ST7L: variants seen among roughly 807,000 people sequenced by gnomAD.
ST7L encodes the protein suppressor of tumorigenicity 7 protein-like.
Under a neutral mutation model 72.5 loss-of-function variants are expected in ST7L, and 57 were observed. The ratio of observed to expected loss-of-function variants is 0.79; its 90% confidence interval spans 0.64 to 0.98. The LOEUF (loss-of-function observed/expected upper bound fraction) is 0.98. ST7L is among the 50% of genes least tolerant of loss of function. The pLI is 0.00. For synonymous variants in ST7L, 221 were observed against 240.9 expected (o/e 0.92, Z 0.77); for missense variants, 576 against 672.2 (o/e 0.86, Z 1.58).
At chr1:112,540,782 G>T (rs2101372853) in intron 14 of ST7L, 1 of 1,281,844 alleles carries the variant, frequency 7.8e-7, no homozygotes, top group Non-Finnish European at 1.0e-6. Context: ...ACATTACCAA[G>T]TAAGGACTAG....
chr1:112,557,369 CATA>C (rs1007090837), intron 11 of ST7L, among the ~76,000 whole-genome samples: 1 of 152,150 alleles, frequency 6.6e-6, no homozygotes, highest in Non-Finnish European at 1.5e-5. Flanking sequence ...TTTCACTTAG[CATA>C]ATGTTTTCAA....
intron 2 of ST7L, among the ~76,000 whole-genome samples, chr1:112,615,660 G>A (rs1669754115): frequency 6.6e-6 from 1 of 152,114 alleles, no homozygotes; most frequent in Admixed American, 6.5e-5. Flanking sequence ...ACTCTGGCCT[G>A]GGCAACGTAG....
chr1:112,605,552 T>A (rs535653498), intron 3 of ST7L, among the ~76,000 whole-genome samples: 1 of 145,632 alleles, frequency 6.9e-6, no homozygotes, highest in African/African-American at 2.6e-5. Flanking sequence ...TAGCCAGGCG[T>A]GGTGGCGCAT....
intron 13 of ST7L, among the ~76,000 whole-genome samples, chr1:112,547,123 G>A (rs867994528): frequency 1.1e-4 from 17 of 151,554 alleles, no homozygotes; most frequent in African/African-American, 3.6e-4. Context: ...AGTCACCGAA[G>A]TCAGAAAATT....
intron 14 of ST7L, among the ~76,000 whole-genome samples, chr1:112,541,577 A>G (rs1656105180): frequency 6.6e-6 from 1 of 152,200 alleles, no homozygotes; most frequent in Non-Finnish European, 1.5e-5. Flanking sequence ...AAAGTTCAAC[A>G]AATCCTGAGA....
chr1:112,590,815 T>C (rs1414871743), intron 6 of ST7L, among the ~76,000 whole-genome samples: 1 of 152,160 alleles, frequency 6.6e-6, no homozygotes, highest in Non-Finnish European at 1.5e-5. Context: ...TTAATCCCCT[T>C]CTCATGCCTT....
intron 6 of ST7L, among the ~76,000 whole-genome samples, chr1:112,587,981 C>G (rs1665118898): frequency 6.6e-6 from 1 of 152,152 alleles, no homozygotes; most frequent in Non-Finnish European, 1.5e-5. Flanking sequence ...TTAACTTATG[C>G]TTTATAGTTT....
chr1:112,592,949 GA>G (rs1325021644), intron 5 of ST7L, among the ~76,000 whole-genome samples: 3 of 150,128 alleles, frequency 2.0e-5, no homozygotes, highest in East Asian at 2.0e-4. Flanking sequence ...GGAGTTAGGA[GA>G]AAAAAAAAGA....
chr1:112,575,049 T>C (rs1662883379), intron 11 of ST7L, among the ~76,000 whole-genome samples: 1 of 151,986 alleles, frequency 6.6e-6, no homozygotes, highest in South Asian at 2.1e-4. Flanking sequence ...CCATACTAGC[T>C]AACATGGTGA....
intron 7 of ST7L, 36 bp from the exon 8 acceptor site, chr1:112,582,508 C>A: frequency 7.8e-7 from 1 of 1,276,644 alleles, no homozygotes; most frequent in East Asian, 2.3e-5. Flanking sequence ...ACAACTATCA[C>A]TTTTGTATTG....
downstream of ST7L, chr1:112,520,185 G>A (rs994581769): frequency 2.7e-5 from 35 of 1,298,460 alleles, no homozygotes; most frequent in African/African-American, 3.1e-4. Flanking sequence ...CCAAAAAAGC[G>A]ATTCTTTTTA....
chr1:112,597,350 C>G (rs184649279), intron 5 of ST7L, among the ~76,000 whole-genome samples: 1 of 152,194 alleles, frequency 6.6e-6, no homozygotes, highest in African/African-American at 2.4e-5. Flanking sequence ...CACAGTGGCT[C>G]ATGCCTATAA....
intron 14 of ST7L, chr1:112,540,591 G>A: frequency 2.0e-6 from 2 of 985,404 alleles, no homozygotes; most frequent in Non-Finnish European, 1.2e-6. Context: ...TACAGCCAGT[G>A]GCAACTTAAC....
chr1:112,517,891 G>C, the ST7L span: 2 of 155,772 alleles, frequency 1.3e-5, no homozygotes, highest in African/African-American at 4.8e-5. Context: ...GGAGTATCTG[G>C]ATAGCTTGAG....
chr1:112,591,520 C>T lies in ST7L; in HGVS notation c.701+5G>A, dbSNP rs749504003. 17 of 1,603,242 alleles carry T rather than the reference C, an allele frequency of 1.1e-5. No individual in the cohort carries two copies. In the Admixed American group the frequency reaches 2.9e-4, roughly 28 times the overall value. On this transcript the variant is annotated splice_donor_5th_base_variant and intron_variant, in intron 6 of 14. Transcript: ENST00000358039. Reference sequence around the variant, plus strand: ...AAATTTATTTTCCATATATTTCAAACTTACTCATTGTTTAATTCTAAAGCT... The same window carrying T: ...AAATTTATTTTCCATATATTTCAAATTTACTCATTGTTTAATTCTAAAGCT...
chr1:112,587,177 T>G (rs1664993509), intron 6 of ST7L, among the ~76,000 whole-genome samples: 1 of 152,238 alleles, frequency 6.6e-6, no homozygotes, highest in East Asian at 1.9e-4. Context: ...GATTGATTTT[T>G]AAATTAATTG....
intron 11 of ST7L, among the ~76,000 whole-genome samples, chr1:112,571,030 C>T (rs1410987301): frequency 1.3e-5 from 2 of 152,056 alleles, no homozygotes; most frequent in East Asian, 3.9e-4. Context: ...ATTAGCTGCA[C>T]GTGGTGGCGC....
Position 112,525,847 on chromosome 1 carries a change from T to G in ST7L, c.*166A>C. The G allele has an allele frequency of 1.1e-6, 1 of 882,384 alleles. No individual in the cohort carries two copies. The highest frequency in any genetic ancestry group is 1.7e-5 in the African/African-American group (1 of 60,018). 54.7% of individuals were successfully genotyped at this position (882,384 alleles called of 1,614,324 possible). ...CTTTTTGACAGCTTCCAAGGGGGGT[T>G]TGCCTAGGAATAACAATATTCATAA... On this transcript the variant is annotated 3_prime_UTR_variant, in exon 15 of 15. Transcript: ENST00000358039.
chr1:112,520,335 T>C, downstream of ST7L: 5 of 1,614,142 alleles, frequency 3.1e-6, no homozygotes, highest in Non-Finnish European at 4.2e-6. Flanking sequence ...GAACAGACGG[T>C]TGTGAAATCA....
Sources: gnomAD v4.1 joint callset for allele counts (sites outside exome capture counted in the v4.1 genomes callset) on GRCh38, gnomAD v4.1.1 for gene constraint, MANE v1.5 for transcripts, NCBI Gene and HGNC (gene_info 2026-07-23, HGNC 2026-07-21) for gene names.